PRKAR2B: variants seen among roughly 807,000 people sequenced by gnomAD.
The protein encoded by PRKAR2B is protein kinase cAMP-dependent type II regulatory subunit beta, also known as cAMP-dependent protein kinase type II-beta regulatory subunit.
Under a neutral mutation model 49.9 loss-of-function variants are expected in PRKAR2B, and 14 were observed. The ratio of observed to expected loss-of-function variants is 0.28; its 90% CI spans 0.19 to 0.44. The LOEUF (loss-of-function observed/expected upper bound fraction) is 0.44. PRKAR2B is among the 20% of genes least tolerant of loss of function. The pLI is 1.00. For synonymous variants in PRKAR2B, 196 were observed against 197.7 expected (o/e 0.99, Z 0.07); for missense variants, 393 against 537.9 (o/e 0.73, Z 2.67).
intron 2 of PRKAR2B, among the ~76,000 whole-genome samples, chr7:107,080,119 CCAGGTACCAGT>C (rs1453483505): frequency 6.6e-6 from 1 of 151,890 alleles, no homozygotes; most frequent in Non-Finnish European, 1.5e-5. Context: ...AAACTGTGAG[CCAGGTACCAGT>C]CAGGAAGGGG....
At chr7:107,047,020 G>T (rs1447863294) in intron 1 of PRKAR2B, among the ~76,000 whole-genome samples, 2 of 152,040 alleles carry the variant, frequency 1.3e-5, no homozygotes, top group African/African-American at 4.8e-5. Context: ...GAACAGCAGG[G>T]GTCATTTTAT....
chr7:107,060,630 C>G (rs975693767), intron 1 of PRKAR2B, among the ~76,000 whole-genome samples: 2 of 132,888 alleles, frequency 1.5e-5, no homozygotes, highest in Non-Finnish European at 3.2e-5. Flanking sequence ...CTCCCTTCCT[C>G]TCTTCCTTCC....
intron 2 of PRKAR2B, among the ~76,000 whole-genome samples, chr7:107,120,016 G>C (rs548030189): frequency 6.6e-6 from 1 of 152,212 alleles, no homozygotes. Context: ...ATAAAACGTG[G>C]GTCCTGTCAC....
intron 2 of PRKAR2B, 56 bp from the exon 3 acceptor site, chr7:107,121,896 T>C: frequency 9.0e-7 from 1 of 1,116,008 alleles, no homozygotes; most frequent in Non-Finnish European, 1.3e-6. Flanking sequence ...GATGTACTCA[T>C]TGTAGTATGG....
At chr7:107,123,120 G>A (rs2115588925) in intron 3 of PRKAR2B, among the ~76,000 whole-genome samples, 1 of 152,240 alleles carries the variant, frequency 6.6e-6, no homozygotes, top group Non-Finnish European at 1.5e-5. Flanking sequence ...CTTTATATTT[G>A]TGTATAAATG....
intron 2 of PRKAR2B, among the ~76,000 whole-genome samples, chr7:107,096,283 A>C (rs1047918859): frequency 1.1e-4 from 16 of 151,980 alleles, no homozygotes; most frequent in Non-Finnish European, 1.9e-4. Context: ...TTTTTAGTTG[A>C]TTTGCATAGA....
chr7:107,049,427 G>T (rs1053520689), intron 1 of PRKAR2B, among the ~76,000 whole-genome samples: 1 of 152,132 alleles, frequency 6.6e-6, no homozygotes, highest in Admixed American at 6.5e-5. Context: ...GTAATAAATA[G>T]AAATTTACCA....
chr7:107,051,067 A>G (rs962854391), intron 1 of PRKAR2B, among the ~76,000 whole-genome samples: 1 of 152,184 alleles, frequency 6.6e-6, no homozygotes, highest in African/African-American at 2.4e-5. Flanking sequence ...TTGTTAATAG[A>G]TGGGGCAGGT....
intron 7 of PRKAR2B, among the ~76,000 whole-genome samples, chr7:107,152,803 G>A (rs766859371): frequency 6.6e-6 from 1 of 152,198 alleles, no homozygotes; most frequent in Non-Finnish European, 1.5e-5. Flanking sequence ...ATAAGAGTAG[G>A]TCAGGGATTG....
At chr7:107,145,367 GT>G (rs1395322412) in intron 5 of PRKAR2B, among the ~76,000 whole-genome samples, 1 of 152,214 alleles carries the variant, frequency 6.6e-6, no homozygotes, top group Non-Finnish European at 1.5e-5. Context: ...ACCCTAGTAA[GT>G]TTTGTAGAGT....
At chr7:107,077,239 T>A (rs1464802946) in intron 2 of PRKAR2B, 1 of 152,204 alleles carries the variant, frequency 6.6e-6, no homozygotes, top group Non-Finnish European at 1.5e-5. Context: ...AATATACTAG[T>A]TTATTCAGCA....
rs528934826 is a variant in PRKAR2B, at chr7:107,093,216, A to C, written c.343+22900A>C. 2.6e-5 allele frequency among the ~76,000 whole-genome samples: 4 copies of C among 152,272 alleles called. No homozygotes were observed. In the East Asian group the frequency reaches 7.7e-4, roughly 29 times the overall value. On this transcript the variant is annotated intron_variant, in intron 2 of 10. Transcript: ENST00000265717. ...GATATCTGTTTGTGTCTCTGCTTTCAGTTCTTTTAGGTATGTACCCAGAAG... is the reference window on the plus strand; with the variant it reads ...GATATCTGTTTGTGTCTCTGCTTTCCGTTCTTTTAGGTATGTACCCAGAAG...
chr7:107,137,968 A>G (rs1405822632), intron 4 of PRKAR2B, among the ~76,000 whole-genome samples: 3 of 151,812 alleles, frequency 2.0e-5, no homozygotes, highest in Admixed American at 2.0e-4. Context: ...TTGGTCTGAA[A>G]ACCTGTGTTT....
Position 107,044,733 on chromosome 7 carries a change from G to C in PRKAR2B, c.-175G>C, listed in dbSNP as rs1000199962. 2.9e-5 allele frequency: 6 copies of C among 204,674 alleles called. No individual in the cohort carries two copies. The highest frequency in any genetic ancestry group is 5.4e-5 in the Non-Finnish European group (6 of 112,108). The allele number at this position is 204,674 out of a possible 1,614,324, so 12.7% of individuals were successfully genotyped here. ...TCAGCCGCCGCCACCACACGGAGCA[G>C]ACGCGCGCCGGGAGCCGCGGGCCGG... On this transcript the variant is annotated 5_prime_UTR_variant, in exon 1 of 11. Coordinates refer to ENST00000265717, the MANE Select transcript of PRKAR2B (RefSeq NM_002736.3).
intron 2 of PRKAR2B, among the ~76,000 whole-genome samples, chr7:107,100,585 C>T (rs1018738512): frequency 6.6e-6 from 1 of 152,120 alleles, no homozygotes; most frequent in Non-Finnish European, 1.5e-5. Context: ...TTCTTTGCTT[C>T]TCTCTCTGTT....
At chr7:107,122,612 C>T (rs945163414) in intron 3 of PRKAR2B, among the ~76,000 whole-genome samples, 2 of 152,140 alleles carry the variant, frequency 1.3e-5, no homozygotes, top group African/African-American at 4.8e-5. Context: ...GTAATTTCTG[C>T]GTCACCCTCC....
At chr7:107,156,616 T>C (rs1203669372) in intron 8 of PRKAR2B, among the ~76,000 whole-genome samples, 1 of 151,948 alleles carries the variant, frequency 6.6e-6, no homozygotes, top group Non-Finnish European at 1.5e-5. Flanking sequence ...CCATCCTGGC[T>C]AACACGTTGA....
intron 3 of PRKAR2B, among the ~76,000 whole-genome samples, chr7:107,125,078 A>AT (rs71885693): frequency 2.8e-4 from 43 of 151,886 alleles, no homozygotes; most frequent in East Asian, 7.7e-4. Flanking sequence ...CATTTGTTTG[A>AT]TTTTTTTTCC....
chr7:107,122,498 C>T (rs1795406584), intron 3 of PRKAR2B, among the ~76,000 whole-genome samples: 2 of 152,082 alleles, frequency 1.3e-5, no homozygotes, highest in Non-Finnish European at 2.9e-5. Flanking sequence ...AGAATTTGTC[C>T]ACTGTGATTT....
Sources: gnomAD v4.1 joint callset for allele counts (sites outside exome capture counted in the v4.1 genomes callset) on GRCh38, gnomAD v4.1.1 for gene constraint, MANE v1.5 for transcripts, NCBI Gene and HGNC (gene_info 2026-07-23, HGNC 2026-07-21) for gene names.